Variants in LRRTM4 observed in about 807,000 individuals in gnomAD.
LRRTM4 encodes leucine rich repeat transmembrane neuronal 4, also known as leucine-rich repeat transmembrane neuronal protein 4.
LRRTM4 carries 25 observed loss-of-function variants against 47.6 expected under a neutral mutation model. The observed-to-expected ratio is 0.53, with a 90% CI of 0.38 to 0.73. The LOEUF (loss-of-function observed/expected upper bound fraction) is 0.73. Ranked by LOEUF, LRRTM4 falls within the 30% of genes least tolerant of loss-of-function variation. The pLI is 0.00. For missense variants in LRRTM4, 638 were observed against 713.4 expected (o/e 0.89, Z 1.20); for synonymous variants, 311 against 269.5 (o/e 1.15, Z -1.51).
In LRRTM4 at chr2:76,748,861, C is replaced by G. The variant is rs755110129; in HGVS notation, c.1607G>C (p.Gly536Ala). The G allele has an allele frequency of 8.7e-6, 14 of 1,613,936 alleles. No homozygotes were observed. The highest frequency in any genetic ancestry group is 1.3e-5 in the African/African-American group (1 of 75,026). The part of the protein sequence containing the change: ...PYYSYDQPVI[G>A]YCQAHQPLHV... ...GAGTGGCTGGTGGGCCTGGCAGTACCCGATCACAGGCTGGTCATAGCTGTA... is the reference window on the plus strand; with the variant it reads ...GAGTGGCTGGTGGGCCTGGCAGTACGCGATCACAGGCTGGTCATAGCTGTA... Residue 536 changes from glycine (G) to alanine (A), a missense_variant, in exon 4 of 4, where the codon GGG becomes GCG. By Grantham distance (60) the Gly-to-Ala change is moderately conservative. Transcript: ENST00000409884.
At chr2:77,489,799 C>T (rs187217313) in intron 3 of LRRTM4, among the ~76,000 whole-genome samples, 6 of 152,296 alleles carry the variant, frequency 3.9e-5, no homozygotes, top group East Asian at 1.9e-4. Context: ...TTCTCAAACA[C>T]GTTCCATATT....
At chr2:76,882,034 G>A (rs1236844521) in intron 3 of LRRTM4, among the ~76,000 whole-genome samples, 2 of 151,994 alleles carry the variant, frequency 1.3e-5, no homozygotes, top group Admixed American at 1.3e-4. Flanking sequence ...ACCACAATCT[G>A]GTGTAAAATT....
intron 3 of LRRTM4, among the ~76,000 whole-genome samples, chr2:77,268,944 G>A (rs1386042431): frequency 6.6e-6 from 1 of 152,078 alleles, no homozygotes; most frequent in Non-Finnish European, 1.5e-5. Flanking sequence ...AAGCTCCACG[G>A]CAGGGCCCAG....
intron 3 of LRRTM4, among the ~76,000 whole-genome samples, chr2:77,247,922 G>T (rs1675493049): frequency 6.7e-6 from 1 of 150,152 alleles, no homozygotes; most frequent in Non-Finnish European, 1.5e-5. Context: ...TAATAATATG[G>T]TATATGATAT....
chr2:77,007,986 A>G (rs1641384074), intron 3 of LRRTM4, among the ~76,000 whole-genome samples: 1 of 152,172 alleles, frequency 6.6e-6, no homozygotes, highest in Admixed American at 6.6e-5. Flanking sequence ...TGTGTTCCAG[A>G]TTTATTATCT....
chr2:77,434,819 T>A (rs1425781404), intron 3 of LRRTM4, among the ~76,000 whole-genome samples: 2 of 152,098 alleles, frequency 1.3e-5, no homozygotes, highest in African/African-American at 4.8e-5. Context: ...TCAAATATAT[T>A]CACACCAATT....
At chr2:77,488,399 A>C (rs182970895) in intron 3 of LRRTM4, among the ~76,000 whole-genome samples, 28 of 152,224 alleles carry the variant, frequency 1.8e-4, no homozygotes, top group East Asian at 9.7e-4. Context: ...TTGCTACTCC[A>C]CACCTGACTC....
chr2:77,388,833 T>C lies in LRRTM4; in HGVS notation c.1551+129485A>G, dbSNP rs182227077. Among the ~76,000 whole-genome samples, 41 of 152,208 alleles carry C rather than the reference T, an allele frequency of 2.7e-4. No homozygotes were observed. In the East Asian group the frequency reaches 7.5e-3, roughly 28 times the overall value. ...AAAATCTGTATGTATTTATACATGCTATTTTGCATAAATATATATATTCTT... is the reference window on the plus strand; with the variant it reads ...AAAATCTGTATGTATTTATACATGCCATTTTGCATAAATATATATATTCTT... On this transcript the variant is annotated intron_variant, in intron 3 of 3. Transcript: ENST00000409884.
chr2:77,254,515 A>T (rs555734037), intron 3 of LRRTM4, among the ~76,000 whole-genome samples: 63 of 152,078 alleles, frequency 4.1e-4, no homozygotes, highest in African/African-American at 1.2e-3. Flanking sequence ...AGGAATAAAA[A>T]ATATGGGTAG....
chr2:76,923,987 C>CT (rs1207790594), intron 3 of LRRTM4, among the ~76,000 whole-genome samples: 7 of 152,010 alleles, frequency 4.6e-5, no homozygotes, highest in Middle Eastern at 3.4e-3. Flanking sequence ...TTTTACAGGG[C>CT]TTTTTTCAAC....
intron 3 of LRRTM4, among the ~76,000 whole-genome samples, chr2:76,898,157 CTG>C (rs1673487327): frequency 6.6e-6 from 1 of 151,858 alleles, no homozygotes; most frequent in Non-Finnish European, 1.5e-5. Flanking sequence ...TTTTTAAACT[CTG>C]TATGAAAATA....
At chr2:77,049,155 TATACAC>T (rs1268462719) in intron 3 of LRRTM4, among the ~76,000 whole-genome samples, 4 of 125,808 alleles carry the variant, frequency 3.2e-5, no homozygotes, top group Admixed American at 7.7e-5. Context: ...TATATATATA[TATACAC>T]ACACACACAC....
chr2:77,480,064 A>G (rs1279145590), intron 3 of LRRTM4, among the ~76,000 whole-genome samples: 3 of 152,204 alleles, frequency 2.0e-5, no homozygotes, highest in African/African-American at 7.2e-5. Flanking sequence ...AACTTCACAG[A>G]GCCAGAGCTC....
At chr2:76,812,465 C>T (rs1670762361) in intron 3 of LRRTM4, among the ~76,000 whole-genome samples, 1 of 151,994 alleles carries the variant, frequency 6.6e-6, no homozygotes, top group Non-Finnish European at 1.5e-5. Flanking sequence ...GTTGGGAAGG[C>T]CTGAGAGTGG....
intron 3 of LRRTM4, among the ~76,000 whole-genome samples, chr2:76,950,865 C>A (rs528954731): frequency 6.6e-6 from 1 of 151,888 alleles, no homozygotes; most frequent in Non-Finnish European, 1.5e-5. Flanking sequence ...CTAGAGTTTC[C>A]GAGATGTCAG....
rs190101841 is a variant in LRRTM4 at position 76,849,680 on chromosome 2, A to G, written c.1552-100764T>C. 1.1e-3 allele frequency among the ~76,000 whole-genome samples: 175 copies of G among 152,242 alleles called. 2 individuals are homozygous for G. The East Asian group carries it at 0.027, about 24-fold the overall frequency. On this transcript the variant is annotated intron_variant, in intron 3 of 3. Coordinates refer to ENST00000409884, the MANE Select transcript of LRRTM4 (RefSeq NM_001134745.3). ...CCTTAACAAATAAATTCCAAAATTC[A>G]TAATTTTCATAGCAAGTCAAAATTC...
intron 3 of LRRTM4, among the ~76,000 whole-genome samples, chr2:76,866,049 A>T (rs1251801790): frequency 6.6e-6 from 1 of 151,996 alleles, no homozygotes; most frequent in Admixed American, 6.6e-5. Flanking sequence ...GCAAGTGGGG[A>T]TGGGCCTATG....
chr2:77,481,380 G>GT (rs1677696775), intron 3 of LRRTM4, among the ~76,000 whole-genome samples: 1 of 152,104 alleles, frequency 6.6e-6, no homozygotes, highest in Admixed American at 6.5e-5. Context: ...TCTTAACAAT[G>GT]AATAATACCT....
At chr2:77,320,634 A>G (rs1429471718) in intron 3 of LRRTM4, among the ~76,000 whole-genome samples, 4 of 152,186 alleles carry the variant, frequency 2.6e-5, no homozygotes, top group Admixed American at 6.5e-5. Flanking sequence ...GAGACCAAAT[A>G]AAATATGGTA....
Sources: allele counts gnomAD v4.1 joint callset (sites outside exome capture counted in the v4.1 genomes callset), GRCh38; gene constraint gnomAD v4.1.1; transcripts MANE v1.5; gene names NCBI Gene and HGNC (gene_info 2026-07-23, HGNC 2026-07-21).